DNAH12: variants seen among roughly 807,000 people sequenced by gnomAD.
The protein encoded by DNAH12 is axonemal beta dynein heavy chain 12.
Under a neutral mutation model 371.5 loss-of-function variants are expected in DNAH12, and 285 were observed. The ratio of observed to expected loss-of-function variants is 0.77; its 90% confidence interval spans 0.70 to 0.85. DNAH12 has a LOEUF of 0.85. DNAH12 is among the 40% of genes least tolerant of loss of function. The pLI is 0.00. For missense variants in DNAH12, 3,611 were observed against 3,689.4 expected (o/e 0.98, Z 0.55); for synonymous variants, 1,200 against 1,213.0 (o/e 0.99, Z 0.22).
intron 45 of DNAH12, among the ~76,000 whole-genome samples, chr3:57,387,854 C>T (rs1318081738): frequency 2.0e-5 from 3 of 152,152 alleles, no homozygotes; most frequent in African/African-American, 7.2e-5. Context: ...ATGGAAATCA[C>T]ATGCTAAGGA....
intron 52 of DNAH12, among the ~76,000 whole-genome samples, chr3:57,377,660 T>C (rs1404118987): frequency 6.6e-6 from 1 of 151,968 alleles, no homozygotes; most frequent in Non-Finnish European, 1.5e-5. Context: ...GGCTTACATC[T>C]GCCTTGCCAG....
chr3:57,453,126 A>C, intron 24 of DNAH12, 111 bp from the exon 25 acceptor site: 1 of 1,458,962 alleles, frequency 6.9e-7, no homozygotes, highest in East Asian at 2.5e-5. Flanking sequence ...CATGTTTGCC[A>C]ACTTATAAAA....
intron 29 of DNAH12, among the ~76,000 whole-genome samples, chr3:57,442,172 T>C (rs1406796603): frequency 2.6e-5 from 4 of 152,108 alleles, no homozygotes; most frequent in South Asian, 2.1e-4. Context: ...AGAAGACCCA[T>C]ATACACACAA....
intron 24 of DNAH12, 115 bp downstream of exon 24, chr3:57,453,132 T>TA (rs1367710677): frequency 1.0e-5 from 15 of 1,459,000 alleles, no homozygotes; most frequent in Non-Finnish European, 1.4e-5. Context: ...TGCCAACTTA[T>TA]AAAAAAGATT....
chr3:57,410,136 T>C (rs1436644804), intron 39 of DNAH12, among the ~76,000 whole-genome samples: 1 of 152,232 alleles, frequency 6.6e-6, no homozygotes, highest in Non-Finnish European at 1.5e-5. Flanking sequence ...TACCCCATTT[T>C]ATTTCACTTC....
chr3:57,431,174 G>T (rs2064944557), intron 32 of DNAH12, among the ~76,000 whole-genome samples: 1 of 150,216 alleles, frequency 6.7e-6, no homozygotes, highest in African/African-American at 2.4e-5. Context: ...TCACTGCCCT[G>T]TGTTGTTTCC....
chr3:57,543,680 T>G (rs142911405), intron 1 of DNAH12, among the ~76,000 whole-genome samples: 1 of 150,420 alleles, frequency 6.6e-6, no homozygotes, highest in Non-Finnish European at 1.5e-5. Flanking sequence ...TCCAAGAAAG[T>G]GATGCTATGA....
At position 57,407,026 on chromosome 3, in the gene DNAH12, G is replaced by A. The variant is rs572903176; in HGVS notation, c.6277-1074C>T. ...TGATTCTCCTGCCTCAGCCTCCCGA[G>A]TAGCTGGGACTACAGGTGCACACCA... On this transcript the variant is annotated intron_variant, in intron 40 of 73. Transcript: ENST00000495027. Among the ~76,000 whole-genome samples, 242 of 152,152 alleles carry A rather than the reference G, an allele frequency of 1.6e-3. 1 individual carries two copies. Among genetic ancestry groups the A allele is most frequent in the African/African-American group, 5.4e-3 (226 of 41,504 alleles).
intron 13 of DNAH12, among the ~76,000 whole-genome samples, chr3:57,482,378 T>C (rs1448219055): frequency 3.9e-5 from 6 of 152,020 alleles, no homozygotes; most frequent in Non-Finnish European, 7.4e-5. Context: ...TGAGATACCA[T>C]CTCACACCAG....
intron 14 of DNAH12, among the ~76,000 whole-genome samples, 194 bp from the exon 15 acceptor site, chr3:57,471,800 A>T (rs1462178489): frequency 6.6e-6 from 1 of 152,208 alleles, no homozygotes; most frequent in East Asian, 1.9e-4. Flanking sequence ...TAGATCTCCA[A>T]AGTGACTTTA....
chr3:57,533,776 A>G (rs909429936), intron 2 of DNAH12, among the ~76,000 whole-genome samples: 6 of 152,094 alleles, frequency 3.9e-5, no homozygotes, highest in African/African-American at 1.4e-4. Flanking sequence ...ATGCGGAAGG[A>G]AGGGTCTCTT....
intron 72 of DNAH12, 25 bp downstream of exon 72, chr3:57,296,319 G>C: frequency 6.6e-7 from 1 of 1,509,438 alleles, no homozygotes; most frequent in African/African-American, 1.4e-5. Flanking sequence ...CAAATGAAGA[G>C]GTCCTGGCAG....
intron 25 of DNAH12, among the ~76,000 whole-genome samples, chr3:57,449,181 C>T (rs1575616265): frequency 1.3e-5 from 2 of 150,206 alleles, no homozygotes; most frequent in East Asian, 2.0e-4. Context: ...ACTCACAAAC[C>T]TTGAGCTAAA....
intron 34 of DNAH12, among the ~76,000 whole-genome samples, chr3:57,426,753 G>A (rs9881045): frequency 0.32 from 48,148 of 150,406 alleles, 8,381 homozygotes; most frequent in South Asian, 0.43. Flanking sequence ...GGAGGCTGAG[G>A]CACGAGAATC....
At position 57,363,305 on chromosome 3, in the gene DNAH12, T is replaced by C. The variant is rs1008048751; in HGVS notation, c.9360+289A>G. On this transcript the variant is annotated intron_variant, in intron 58 of 73. Coordinates refer to ENST00000495027, the MANE Select transcript of DNAH12 (RefSeq NM_001366028.2). Reference sequence around the variant, plus strand: ...TCCAATAATAATACCTATCTGATACTTGTAATAATACCTATCCAATAATAA... The same window carrying C: ...TCCAATAATAATACCTATCTGATACCTGTAATAATACCTATCCAATAATAA... Among the ~76,000 whole-genome samples, 28 of 152,292 alleles carry C rather than the reference T, an allele frequency of 1.8e-4. No homozygotes were observed. The East Asian group carries it at 4.8e-3, about 26-fold the overall frequency.
chr3:57,460,057 C>T (rs1033418934), intron 19 of DNAH12, among the ~76,000 whole-genome samples: 2 of 152,006 alleles, frequency 1.3e-5, no homozygotes, highest in African/African-American at 4.8e-5. Flanking sequence ...AGTCCCAAAA[C>T]CATCCAAGAA....
intron 59 of DNAH12, among the ~76,000 whole-genome samples, chr3:57,352,704 T>C (rs1233408389): frequency 2.6e-5 from 4 of 151,874 alleles, no homozygotes; most frequent in African/African-American, 9.7e-5. Context: ...GGCTCTATGG[T>C]AGGGAGGGAA....
intron 60 of DNAH12, among the ~76,000 whole-genome samples, chr3:57,345,988 G>C (rs995808447): frequency 2.6e-5 from 4 of 152,024 alleles, no homozygotes; most frequent in Admixed American, 6.6e-5. Context: ...TGCTGCAGTT[G>C]AAACCCATGT....
chr3:57,485,558 C>T (rs1223461915), intron 12 of DNAH12, among the ~76,000 whole-genome samples: 3 of 144,060 alleles, frequency 2.1e-5, no homozygotes, highest in Admixed American at 6.8e-5. Context: ...CGTGCCACCA[C>T]GTCTGGCTAA....
Sources: gnomAD v4.1 joint callset for allele counts (sites outside exome capture counted in the v4.1 genomes callset) on GRCh38, gnomAD v4.1.1 for gene constraint, MANE v1.5 for transcripts, NCBI Gene and HGNC (gene_info 2026-07-23, HGNC 2026-07-21) for gene names.